Variants in OR1J2 observed in about 807,000 individuals in gnomAD.
OR1J2 encodes olfactory receptor 1J2.
For synonymous variants in OR1J2, 142 were observed against 99.7 expected (o/e 1.42, Z -2.52); for missense variants, 304 against 246.1 (o/e 1.24, Z -1.57).
chr9:122,550,729 A>G, the OR1J2 span, among the ~76,000 whole-genome samples: 2 of 152,140 alleles, frequency 1.3e-5, no homozygotes, highest in Admixed American at 1.3e-4. Flanking sequence ...TCAACAAACT[A>G]GGCCTAGAAG....
the OR1J2 span, among the ~76,000 whole-genome samples, chr9:122,541,020 A>G: frequency 2.0e-5 from 3 of 152,154 alleles, no homozygotes; most frequent in Non-Finnish European, 1.5e-5. Flanking sequence ...AGATGGCCTA[A>G]TCACATTGAC....
At chr9:122,462,894 A>G in the OR1J2 span, among the ~76,000 whole-genome samples, 4 of 152,174 alleles carry the variant, frequency 2.6e-5, no homozygotes, top group Admixed American at 2.0e-4. Context: ...CTTCATGACT[A>G]TGTACCAAGG....
chr9:122,569,118 A>G, the OR1J2 span, among the ~76,000 whole-genome samples: 115 of 152,192 alleles, frequency 7.6e-4, no homozygotes, highest in African/African-American at 2.7e-3. Flanking sequence ...TGTTGAACGC[A>G]GTCAATAGAG....
the OR1J2 span, among the ~76,000 whole-genome samples, chr9:122,464,166 C>A: frequency 6.6e-6 from 1 of 152,046 alleles, no homozygotes; most frequent in Non-Finnish European, 1.5e-5. Flanking sequence ...GAGTTATGTT[C>A]CCAGGGGAAT....
the OR1J2 span, among the ~76,000 whole-genome samples, chr9:122,458,739 G>A: frequency 1.7e-4 from 26 of 152,296 alleles, no homozygotes; most frequent in South Asian, 8.3e-4. Flanking sequence ...TGAGATTTGG[G>A]TGGGTACACA....
At chr9:122,538,022 C>T in the OR1J2 span, among the ~76,000 whole-genome samples, 21,707 of 151,972 alleles carry the variant, frequency 0.14, 1,798 homozygotes, top group East Asian at 0.33. Context: ...TTGCTTTGTA[C>T]CTCTTACTGT....
the OR1J2 span, among the ~76,000 whole-genome samples, chr9:122,521,743 T>A: frequency 6.6e-6 from 1 of 152,236 alleles, no homozygotes; most frequent in Non-Finnish European, 1.5e-5. Context: ...GCTATAGTGA[T>A]GTGATCTGTA....
chr9:122,447,514 A>G, the OR1J2 span: 3 of 152,170 alleles, frequency 2.0e-5, no homozygotes, highest in African/African-American at 4.8e-5. Flanking sequence ...TCCTGGCCCT[A>G]TGGATACTGG....
chr9:122,488,328 G>A, the OR1J2 span, among the ~76,000 whole-genome samples: 1 of 152,038 alleles, frequency 6.6e-6, no homozygotes, highest in Non-Finnish European at 1.5e-5. Context: ...TAGTAGAAAT[G>A]GGGTTTTGCC....
At chr9:122,530,254 G>A in the OR1J2 span, among the ~76,000 whole-genome samples, 6 of 152,132 alleles carry the variant, frequency 3.9e-5, no homozygotes, top group Non-Finnish European at 5.9e-5. Context: ...TATTTGAGAT[G>A]ACCTGGGACA....
chr9:122,493,645 A>G, the OR1J2 span, among the ~76,000 whole-genome samples: 1 of 152,096 alleles, frequency 6.6e-6, no homozygotes, highest in Non-Finnish European at 1.5e-5. Context: ...ATCTTTTCAA[A>G]TAACCAGCAT....
At chr9:122,504,174 C>G in the OR1J2 span, among the ~76,000 whole-genome samples, 34 of 152,186 alleles carry the variant, frequency 2.2e-4, no homozygotes, top group Non-Finnish European at 4.1e-4. Flanking sequence ...CCTGACAATT[C>G]TCAGGTTCTG....
chr9:122,490,658 G>T, the OR1J2 span, among the ~76,000 whole-genome samples: 11 of 152,142 alleles, frequency 7.2e-5, no homozygotes, highest in African/African-American at 2.7e-4. Context: ...GAAGAGAAAG[G>T]ATGGCAAATT....
chr9:122,511,076 T>A lies in OR1J2; in HGVS notation c.275T>A (p.Ile92Asn). The change falls in exon 1 of 1, where the codon ATC (isoleucine) becomes AAC (asparagine). Residue 92 changes from isoleucine (I) to asparagine (N), a missense_variant. Transcript: ENST00000335302. ...LMDMRTKYKSILYEECISQMY... is the reference protein window; with the variant it reads ...LMDMRTKYKSNLYEECISQMY... The stretch of plus-strand genomic sequence containing the variant: ...GACATGCGGACTAAGTACAAATCGA[T>A]CCTCTATGAGGAATGCATTTCTCAG... 3 of 1,278,030 alleles carry A rather than the reference T, an allele frequency of 2.3e-6. No individual in the cohort carries two copies. Among genetic ancestry groups the A allele is most frequent in the Non-Finnish European group, 3.4e-6 (3 of 887,886 alleles). The allele number at this position is 1,278,030 out of a possible 1,614,324, so 79.2% of individuals were successfully genotyped here.
At chr9:122,461,654 A>G in the OR1J2 span, among the ~76,000 whole-genome samples, 1 of 152,106 alleles carries the variant, frequency 6.6e-6, no homozygotes. Context: ...TTAAATTTCC[A>G]CCTTGATTTC....
the OR1J2 span, chr9:122,477,430 A>T: frequency 6.2e-7 from 1 of 1,614,028 alleles, no homozygotes; most frequent in Non-Finnish European, 8.5e-7. Flanking sequence ...ACAGAAGGAA[A>T]GCTGGGCCAG....
the OR1J2 span, among the ~76,000 whole-genome samples, chr9:122,577,330 C>A: frequency 6.6e-6 from 1 of 152,104 alleles, no homozygotes; most frequent in Non-Finnish European, 1.5e-5. Context: ...AGGCAGACTT[C>A]AAATTTAAGG....
At chr9:122,525,624 CT>C in the OR1J2 span, among the ~76,000 whole-genome samples, 1 of 152,068 alleles carries the variant, frequency 6.6e-6, no homozygotes, top group African/African-American at 2.4e-5. Context: ...TTCCACGTTC[CT>C]CTCATCTAAT....
At chr9:122,483,139 A>G in the OR1J2 span, among the ~76,000 whole-genome samples, 4 of 152,222 alleles carry the variant, frequency 2.6e-5, no homozygotes, top group Non-Finnish European at 5.9e-5. Context: ...TCAATTAAGC[A>G]TAAATAAAAA....
Sources: gnomAD v4.1 joint callset for allele counts (sites outside exome capture counted in the v4.1 genomes callset) on GRCh38, gnomAD v4.1.1 for gene constraint, MANE v1.5 for transcripts, NCBI Gene and HGNC (gene_info 2026-07-23, HGNC 2026-07-21) for gene names.